Variants in COL24A1 observed in about 807,000 individuals in gnomAD.
COL24A1 encodes collagen type XXIV alpha 1 chain.
Under a neutral mutation model 253.9 loss-of-function variants are expected in COL24A1, and 224 were observed. The observed-to-expected ratio is 0.88, with a 90% confidence interval of 0.79 to 0.99. The LOEUF is 0.99. COL24A1 is among the 50% of genes least tolerant of loss of function. COL24A1 has a pLI of 0.00. For synonymous variants in COL24A1, 685 were observed against 673.7 expected (o/e 1.02, Z -0.26); for missense variants, 2,131 against 2,068.5 (o/e 1.03, Z -0.59).
intron 5 of COL24A1, among the ~76,000 whole-genome samples, chr1:86,102,015 G>GC (rs1297401765): frequency 2.0e-5 from 3 of 151,106 alleles, no homozygotes; most frequent in Admixed American, 1.3e-4. Flanking sequence ...CTGGTCCTGA[G>GC]CTTTTTTTTT....
Position 86,003,779 on chromosome 1 carries a change from GA to G in COL24A1, c.2310+13371del, listed in dbSNP as rs1457409822. Among the ~76,000 whole-genome samples the G allele has an allele frequency of 6.0e-5, 7 of 117,328 alleles. No homozygotes were observed. The East Asian group carries it at 1.0e-3, about 17-fold the overall frequency. The allele number at this position is 117,328 out of a possible 152,430, so 77.0% of individuals were successfully genotyped here. Reference sequence around the variant, plus strand: ...GGCTATCTGGTCAGGGGCCTGGGAGGAAAAAAAAATAGAGGAAGAGAGATCT... The same window carrying G: ...GGCTATCTGGTCAGGGGCCTGGGAGGAAAAAAAATAGAGGAAGAGAGATCT... On this transcript the variant is annotated intron_variant, in intron 19 of 59. Transcript: ENST00000370571.
chr1:85,905,146 A>G (rs1198945410), intron 28 of COL24A1, among the ~76,000 whole-genome samples: 2 of 152,158 alleles, frequency 1.3e-5, no homozygotes, highest in Non-Finnish European at 2.9e-5. Context: ...CCAACATGCT[A>G]TGACACGTAT....
chr1:86,057,791 T>C (rs1700771118), intron 10 of COL24A1, 140 bp downstream of exon 10: 1 of 629,526 alleles, frequency 1.6e-6, no homozygotes, highest in Non-Finnish European at 2.7e-6. Context: ...TGAAAGCAAC[T>C]GCAGTAAGCA....
intron 35 of COL24A1, among the ~76,000 whole-genome samples, chr1:85,872,975 C>G (rs1022919854): frequency 2.6e-5 from 4 of 152,176 alleles, no homozygotes; most frequent in Admixed American, 6.5e-5. Flanking sequence ...CTACAAAGAA[C>G]TCAAACAAAC....
At chr1:85,825,344 TC>T (rs1429489599) in intron 43 of COL24A1, among the ~76,000 whole-genome samples, 1 of 152,174 alleles carries the variant, frequency 6.6e-6, no homozygotes, top group Non-Finnish European at 1.5e-5. Flanking sequence ...TTGGGTTGGT[TC>T]CAAGTCTTTG....
At chr1:85,877,505 G>A (rs1275826920) in intron 32 of COL24A1, among the ~76,000 whole-genome samples, 2 of 150,986 alleles carry the variant, frequency 1.3e-5, no homozygotes, top group Non-Finnish European at 2.9e-5. Context: ...TGGGATTACA[G>A]GCAATTGCCA....
chr1:85,990,862 T>G (rs1694188242), intron 19 of COL24A1, among the ~76,000 whole-genome samples: 1 of 152,156 alleles, frequency 6.6e-6, no homozygotes, highest in Non-Finnish European at 1.5e-5. Flanking sequence ...CTCATTATCT[T>G]GAAACATGGT....
At chr1:86,061,187 A>G (rs1231912530) in intron 8 of COL24A1, among the ~76,000 whole-genome samples, 1 of 152,044 alleles carries the variant, frequency 6.6e-6, no homozygotes, top group African/African-American at 2.4e-5. Context: ...AGTGCAAAAA[A>G]CATCCAATAG....
intron 1 of COL24A1, chr1:86,154,644 G>A (rs1360546323): frequency 6.5e-6 from 1 of 152,682 alleles, no homozygotes; most frequent in African/African-American, 2.4e-5. Context: ...GGGAGCGTCT[G>A]GAAGGGAAGT....
rs148112130 is a variant in COL24A1, at chr1:86,135,311, G to A, written c.122-9097C>T. On this transcript the variant is annotated intron_variant, in intron 2 of 59. Transcript: ENST00000370571. ...GTCTTGACTCTTTATCCAATTTGCC[G>A]GTCTGTGTCTTTTAATTGGAGCATT... Among the ~76,000 whole-genome samples, 81 of 151,908 alleles carry A rather than the reference G, an allele frequency of 5.3e-4. 1 individual carries two copies. Among genetic ancestry groups the A allele is most frequent in the African/African-American group, 1.5e-3 (64 of 41,424 alleles).
At position 86,031,877 on chromosome 1, in the gene COL24A1, C is replaced by T. The variant is rs1188453810; in HGVS notation, c.2049+1G>A. 6.2e-7 allele frequency: 1 copy of T among 1,605,976 alleles called. No individual in the cohort carries two copies. The highest frequency in any genetic ancestry group is 2.2e-5 in the East Asian group (1 of 44,538). ...GAATGATGATATTTAGTGATACTCACTCTAAGCCCAGGAAACCCCGGAGGA... is the reference window on the plus strand; with the variant it reads ...GAATGATGATATTTAGTGATACTCATTCTAAGCCCAGGAAACCCCGGAGGA... On this transcript the variant is annotated splice_donor_variant, in intron 14 of 59. Transcript: ENST00000370571. LOFTEE classifies it high-confidence loss of function.
intron 43 of COL24A1, among the ~76,000 whole-genome samples, chr1:85,831,862 T>C (rs183598841): frequency 6.6e-6 from 1 of 152,126 alleles, no homozygotes; most frequent in African/African-American, 2.4e-5. Context: ...GCTATTGAAA[T>C]AATTTTGGCA....
intron 47 of COL24A1, among the ~76,000 whole-genome samples, chr1:85,804,402 T>A (rs1451194654): frequency 1.3e-5 from 2 of 152,192 alleles, no homozygotes; most frequent in African/African-American, 2.4e-5. Flanking sequence ...GAAACTTTAG[T>A]CATCCAATGG....
intron 20 of COL24A1, among the ~76,000 whole-genome samples, chr1:85,972,849 T>C (rs1350776527): frequency 1.3e-5 from 2 of 152,166 alleles, no homozygotes; most frequent in Non-Finnish European, 2.9e-5. Context: ...AACTGAACAG[T>C]GGGAAACCAT....
chr1:85,859,599 A>G (rs1455390671), intron 37 of COL24A1, among the ~76,000 whole-genome samples: 5 of 151,994 alleles, frequency 3.3e-5, no homozygotes, highest in Non-Finnish European at 5.9e-5. Flanking sequence ...TGTTGTTGTT[A>G]TATTTTTTTT....
chr1:85,952,024 C>T (rs183121479), intron 24 of COL24A1, among the ~76,000 whole-genome samples: 4 of 152,214 alleles, frequency 2.6e-5, no homozygotes, highest in Admixed American at 6.5e-5. Flanking sequence ...CTCCCCTCAT[C>T]GGGCTGCTTA....
At chr1:86,098,746 T>A (rs1704207667) in intron 5 of COL24A1, among the ~76,000 whole-genome samples, 3 of 152,192 alleles carry the variant, frequency 2.0e-5, no homozygotes. Flanking sequence ...GGTAAAAAGT[T>A]ACCAAACCTT....
At chr1:85,937,556 C>T (rs930265197) in intron 24 of COL24A1, among the ~76,000 whole-genome samples, 1 of 147,580 alleles carries the variant, frequency 6.8e-6, no homozygotes, top group African/African-American at 2.5e-5. Flanking sequence ...CTGACATCAG[C>T]AAGCCTTGAT....
intron 47 of COL24A1, among the ~76,000 whole-genome samples, chr1:85,811,471 T>C (rs2101883923): frequency 6.6e-6 from 1 of 152,326 alleles, no homozygotes; most frequent in Middle Eastern, 3.4e-3. Context: ...GTGGACTTGC[T>C]GGATTATATG....
Sources: allele counts gnomAD v4.1 joint callset (sites outside exome capture counted in the v4.1 genomes callset), GRCh38; gene constraint gnomAD v4.1.1; transcripts MANE v1.5; gene names NCBI Gene and HGNC (gene_info 2026-07-23, HGNC 2026-07-21).